UBTD1: variants seen among roughly 807,000 people sequenced by gnomAD.
UBTD1 encodes the protein ubiquitin domain containing 1, also known as ubiquitin domain-containing protein 1.
UBTD1 carries 19 observed loss-of-function variants against 21.7 expected under a neutral mutation model. The observed-to-expected ratio is 0.87, with a 90% confidence interval of 0.61 to 1.28. UBTD1 has a LOEUF of 1.28. UBTD1 is among the 50% of genes most tolerant of loss of function. The pLI is 0.00. For synonymous variants in UBTD1, 116 were observed against 135.1 expected (o/e 0.86, Z 0.98); for missense variants, 282 against 315.1 (o/e 0.89, Z 0.80).
At chr10:97,550,315 C>A (rs2040630904) in intron 1 of UBTD1, among the ~76,000 whole-genome samples, 1 of 152,194 alleles carries the variant, frequency 6.6e-6, no homozygotes, top group Non-Finnish European at 1.5e-5. Context: ...AGGGCTGTTT[C>A]CTGGCTTGGG....
chr10:97,560,658 G>A (rs2040688135), intron 1 of UBTD1, among the ~76,000 whole-genome samples: 2 of 152,084 alleles, frequency 1.3e-5, no homozygotes, highest in Middle Eastern at 3.2e-3. Context: ...TCTAATGCTG[G>A]CCAGTCTATT....
chr10:97,525,919 T>C (rs1338623997), intron 1 of UBTD1, among the ~76,000 whole-genome samples: 1 of 152,160 alleles, frequency 6.6e-6, no homozygotes, highest in Non-Finnish European at 1.5e-5. Context: ...CATGCTAAGG[T>C]GTTTGGCTTT....
intron 1 of UBTD1, among the ~76,000 whole-genome samples, chr10:97,532,592 C>T (rs2040537476): frequency 6.6e-6 from 1 of 152,188 alleles, no homozygotes; most frequent in Admixed American, 6.5e-5. Flanking sequence ...GAGATCGAGA[C>T]CATCCTGGCC....
chr10:97,512,136 C>T (rs773130176), intron 1 of UBTD1, among the ~76,000 whole-genome samples: 5 of 152,208 alleles, frequency 3.3e-5, no homozygotes, highest in Non-Finnish European at 5.9e-5. Context: ...CTGAATAATA[C>T]TGGAGTTTCT....
intron 1 of UBTD1, among the ~76,000 whole-genome samples, chr10:97,507,474 TA>T (rs918575919): frequency 3.4e-3 from 476 of 138,798 alleles, no homozygotes; most frequent in Middle Eastern, 0.011. Flanking sequence ...TCGTCTCTAT[TA>T]AAAAAAAAAA....
chr10:97,499,928 G>C (rs4919102), intron 1 of UBTD1, among the ~76,000 whole-genome samples: 5,872 of 152,198 alleles, frequency 0.039, 157 homozygotes, highest in Non-Finnish European at 0.058. Context: ...GATCCTCCAG[G>C]CCCGCGCAAC....
chr10:97,556,992 C>T (rs1031849395), intron 1 of UBTD1, among the ~76,000 whole-genome samples: 3 of 152,208 alleles, frequency 2.0e-5, no homozygotes, highest in African/African-American at 7.2e-5. Flanking sequence ...CTATGCAATA[C>T]TGTCCAATAA....
At chr10:97,503,089 T>C (rs1482726877) in intron 1 of UBTD1, among the ~76,000 whole-genome samples, 3 of 152,078 alleles carry the variant, frequency 2.0e-5, no homozygotes, top group Non-Finnish European at 4.4e-5. Context: ...GCTAACTTTT[T>C]ATTTTTTGTA....
At position 97,547,131 on chromosome 10, in the gene UBTD1, G is replaced by A. The variant is rs889380317; in HGVS notation, c.71-20783G>A. Among the ~76,000 whole-genome samples the A allele has an allele frequency of 2.0e-5, 3 of 152,244 alleles. No homozygotes were observed. The East Asian group carries it at 5.8e-4, about 29-fold the overall frequency. ...GAGCGCTCGTGGCAGTTGACACCCA[G>A]TGGGACAGAGTCCCAGTGTCAGAAG... On this transcript the variant is annotated intron_variant, in intron 1 of 2. Coordinates refer to ENST00000370664, the MANE Select transcript of UBTD1 (RefSeq NM_024954.5).
intron 1 of UBTD1, among the ~76,000 whole-genome samples, chr10:97,547,835 A>G (rs1317722203): frequency 6.6e-6 from 1 of 152,194 alleles, no homozygotes; most frequent in Non-Finnish European, 1.5e-5. Flanking sequence ...AAGTGCTGGG[A>G]TCACAGGCAT....
intron 1 of UBTD1, among the ~76,000 whole-genome samples, chr10:97,552,213 AT>A (rs59616617): frequency 0.032 from 4,737 of 146,552 alleles, 216 homozygotes; most frequent in African/African-American, 0.11. Context: ...AAAAAAAAAA[AT>A]TTTTTTTAAA....
At chr10:97,548,520 G>A (rs1038904512) in intron 1 of UBTD1, among the ~76,000 whole-genome samples, 4 of 152,200 alleles carry the variant, frequency 2.6e-5, no homozygotes, top group Non-Finnish European at 5.9e-5. Flanking sequence ...GTCAGGCTGG[G>A]CGCAGTGGCT....
intron 2 of UBTD1, among the ~76,000 whole-genome samples, chr10:97,568,599 TTTA>T (rs2040729945): frequency 6.6e-6 from 1 of 151,628 alleles, no homozygotes; most frequent in African/African-American, 2.4e-5. Context: ...TTTTCGTATT[TTTA>T]GTAGAGACGG....
rs187422912 is a variant in UBTD1 at position 97,516,589 on chromosome 10, C to T, written c.70+17316C>T. On this transcript the variant is annotated intron_variant, in intron 1 of 2. Coordinates refer to ENST00000370664, the MANE Select transcript of UBTD1 (RefSeq NM_024954.5). ...AGGAGATCAAGACCATCCTGGCTAACGTGGTGAAACCCCGTCTCTACTAAA... is the reference window on the plus strand; with the variant it reads ...AGGAGATCAAGACCATCCTGGCTAATGTGGTGAAACCCCGTCTCTACTAAA... Among the ~76,000 whole-genome samples the T allele has an allele frequency of 1.8e-3, 277 of 151,790 alleles. 1 individual carries two copies. The highest frequency in any genetic ancestry group is 6.2e-3 in the African/African-American group (258 of 41,384).
rs978922515 is a variant in UBTD1 at position 97,523,071 on chromosome 10, T to C, written c.70+23798T>C. Among the ~76,000 whole-genome samples, 30 of 152,222 alleles carry C rather than the reference T, an allele frequency of 2.0e-4. 1 individual carries two copies. Among genetic ancestry groups the C allele is most frequent in the Admixed American group, 1.2e-3 (19 of 15,288 alleles). ...ACACAGCGTATTTCTTTATAATGCC[T>C]TCCTCTTCGGGCTGTGCACCCATAT... On this transcript the variant is annotated intron_variant, in intron 1 of 2. Coordinates refer to ENST00000370664, the MANE Select transcript of UBTD1 (RefSeq NM_024954.5).
chr10:97,533,373 A>G (rs879597617), intron 1 of UBTD1, among the ~76,000 whole-genome samples: 1 of 152,196 alleles, frequency 6.6e-6, no homozygotes, highest in Admixed American at 6.5e-5. Flanking sequence ...GCACACAGCT[A>G]CCAACTGCAT....
At chr10:97,532,064 C>T (rs2040534455) in intron 1 of UBTD1, among the ~76,000 whole-genome samples, 1 of 152,086 alleles carries the variant, frequency 6.6e-6, no homozygotes, top group African/African-American at 2.4e-5. Context: ...TGGAGGTGGG[C>T]AGGGACAGCC....
intron 1 of UBTD1, among the ~76,000 whole-genome samples, chr10:97,552,737 C>T (rs1301054820): frequency 6.6e-6 from 1 of 152,138 alleles, no homozygotes; most frequent in Non-Finnish European, 1.5e-5. Flanking sequence ...AGCTGGAGCA[C>T]TGTGCGCTTG....
At position 97,558,502 on chromosome 10, in the gene UBTD1, T is replaced by C. The variant is rs192295848; in HGVS notation, c.71-9412T>C. Among the ~76,000 whole-genome samples, 64 of 152,280 alleles carry C rather than the reference T, an allele frequency of 4.2e-4. No homozygotes were observed. The East Asian group carries it at 0.01, about 24-fold the overall frequency. On this transcript the variant is annotated intron_variant, in intron 1 of 2. Transcript: ENST00000370664. ...CCTTTGGAAACCCCATCTAGTTGTT[T>C]TGAGAGATAGACCACTGCCCTTGGC...
Sources: gnomAD v4.1 joint callset for allele counts (sites outside exome capture counted in the v4.1 genomes callset) on GRCh38, gnomAD v4.1.1 for gene constraint, MANE v1.5 for transcripts, NCBI Gene and HGNC (gene_info 2026-07-23, HGNC 2026-07-21) for gene names.